DPY19L2: variants seen among roughly 807,000 people sequenced by gnomAD.
DPY19L2 encodes probable C-mannosyltransferase DPY19L2.
In DPY19L2, 34 loss-of-function variants were observed where a neutral mutation model predicts 97.9. The ratio of observed to expected loss-of-function variants is 0.35; its 90% CI spans 0.26 to 0.46. DPY19L2 has a LOEUF of 0.46. Among genes scored for constraint, DPY19L2 ranks in the 20% least tolerant of loss-of-function variants. The pLI, the probability that DPY19L2 is intolerant of heterozygous loss-of-function variation, is 1.00. For missense variants in DPY19L2, 623 were observed against 911.4 expected (o/e 0.68, Z 4.07); for synonymous variants, 230 against 307.9 (o/e 0.75, Z 2.65).
At chr12:63,612,221 T>C (rs1887125033) in intron 11 of DPY19L2, among the ~76,000 whole-genome samples, 2 of 152,154 alleles carry the variant, frequency 1.3e-5, no homozygotes, top group South Asian at 4.1e-4. Flanking sequence ...AAAGACTTCA[T>C]GACCAGGTGA....
At chr12:63,570,645 GTTT>G in intron 20 of DPY19L2, 110 bp downstream of exon 20, 1 of 942,018 alleles carries the variant, frequency 1.1e-6, no homozygotes, top group Non-Finnish European at 1.5e-6. Context: ...ATGAGGATGA[GTTT>G]GTGTGTGTGT....
intron 6 of DPY19L2, among the ~76,000 whole-genome samples, chr12:63,628,235 A>C (rs1246135161): frequency 2.6e-5 from 4 of 152,180 alleles, no homozygotes; most frequent in African/African-American, 9.6e-5. Context: ...CAGTGGGTGC[A>C]GCGCACCGAG....
intron 21 of DPY19L2, among the ~76,000 whole-genome samples, chr12:63,561,590 C>T (rs1446525428): frequency 6.6e-6 from 1 of 151,634 alleles, no homozygotes; most frequent in Admixed American, 6.6e-5. Context: ...GTTCCTACAA[C>T]TTCTGTTGTG....
intron 11 of DPY19L2, among the ~76,000 whole-genome samples, chr12:63,614,566 G>A (rs1019540598): frequency 1.3e-5 from 2 of 152,050 alleles, no homozygotes; most frequent in African/African-American, 4.8e-5. Flanking sequence ...TCATGTGCGT[G>A]GTGCAGTATA....
chr12:63,644,486 A>G lies in DPY19L2; in HGVS notation c.720T>C (p.Asp240=). 6.2e-7 allele frequency: 1 copy of G among 1,609,044 alleles called. No homozygotes were observed. The highest frequency in any genetic ancestry group is 8.5e-7 in the Non-Finnish European group (1 of 1,178,342). ...NEVQSCEGLG[D]PACFYVGVIF... ...TTACACCAACATAAAAGCAAGCAGG[A>G]TCTCCCAATCCTTTGAAAAGATACA... The change falls in exon 6 of 22, where the codon GAT becomes GAC. Residue 240 remains aspartate, a synonymous_variant. Transcript: ENST00000324472.
chr12:63,587,557 AATTATTATTATTATTATT>A (rs201195590), intron 16 of DPY19L2, among the ~76,000 whole-genome samples: 4 of 136,228 alleles, frequency 2.9e-5, no homozygotes, highest in Non-Finnish European at 4.7e-5. Flanking sequence ...CATTTTTAAA[AATTATTATTATTATTATT>A]ATTATTATTA....
chr12:63,622,586 A>T (rs1360049976), intron 8 of DPY19L2, among the ~76,000 whole-genome samples: 1 of 152,136 alleles, frequency 6.6e-6, no homozygotes, highest in African/African-American at 2.4e-5. Flanking sequence ...TTCTGTGGTT[A>T]AAGAGATAAA....
intron 6 of DPY19L2, among the ~76,000 whole-genome samples, chr12:63,637,219 G>A (rs1891877664): frequency 6.6e-6 from 1 of 152,082 alleles, no homozygotes; most frequent in African/African-American, 2.4e-5. Flanking sequence ...CAGAAATAAA[G>A]ATGTTCTTTG....
intron 6 of DPY19L2, among the ~76,000 whole-genome samples, chr12:63,632,023 G>A (rs1372939372): frequency 6.6e-6 from 1 of 152,028 alleles, no homozygotes; most frequent in Admixed American, 6.5e-5. Context: ...AACCCCTCAT[G>A]CTAAAAACTC....
At chr12:63,641,685 A>G (rs1892724129) in intron 6 of DPY19L2, among the ~76,000 whole-genome samples, 1 of 152,026 alleles carries the variant, frequency 6.6e-6, no homozygotes, top group Admixed American at 6.6e-5. Flanking sequence ...ATGTTAATAA[A>G]CCAAAATGTA....
At chr12:63,610,863 A>AAAAAAAAAAAAAC (rs1565762254) in intron 11 of DPY19L2, among the ~76,000 whole-genome samples, 28 of 100,560 alleles carry the variant, frequency 2.8e-4, no homozygotes, top group Non-Finnish European at 4.9e-4. Flanking sequence ...AAAAAAAAAA[A>AAAAAAAAAAAAAC]AAAAAAAAAA....
At chr12:63,610,765 C>T (rs1227985126) in intron 11 of DPY19L2, among the ~76,000 whole-genome samples, 2 of 142,454 alleles carry the variant, frequency 1.4e-5, no homozygotes, top group Non-Finnish European at 3.0e-5. Flanking sequence ...TTTTATGAGG[C>T]CAGCATTACT....
rs910980213 is a variant in DPY19L2 at position 63,654,766 on chromosome 12, A to T, written c.588+6578T>A. ...AAAAGTCATCGTTAAATTATTTTTT[A>T]AAAAATTCAACAAGAAGACCCTGCA... On this transcript the variant is annotated intron_variant, in intron 4 of 21. Coordinates refer to ENST00000324472, the MANE Select transcript of DPY19L2 (RefSeq NM_173812.5). Among the ~76,000 whole-genome samples, 27 of 152,256 alleles carry T rather than the reference A, an allele frequency of 1.8e-4. 1 individual carries two copies. The highest frequency in any genetic ancestry group is 4.1e-4 in the South Asian group (2 of 4,822).
chr12:63,569,474 A>C lies in DPY19L2; in HGVS notation c.2001-125T>G, dbSNP rs1878396484. Reference sequence around the variant, plus strand: ...ATGGAACACCGATATACATGACTCAAAACAGCATCAATTATTTTGGGGATG... The same window carrying C: ...ATGGAACACCGATATACATGACTCACAACAGCATCAATTATTTTGGGGATG... On this transcript the variant is annotated intron_variant, in intron 20 of 21. Transcript: ENST00000324472. 8.4e-6 allele frequency: 6 copies of C among 710,592 alleles called. No individual in the cohort carries two copies. The Admixed American group carries it at 1.8e-4, about 21-fold the overall frequency. The allele number at this position is 710,592 out of a possible 1,614,324, so 44.0% of individuals were successfully genotyped here. A position where few individuals can be genotyped will look rare whatever the true frequency, so the allele number is the denominator to read the frequency against.
Position 63,594,075 on chromosome 12 carries a change from T to G in DPY19L2, c.1580+12A>C, listed in dbSNP as rs1217833115. On this transcript the variant is annotated intron_variant, in intron 16 of 21. Coordinates refer to ENST00000324472, the MANE Select transcript of DPY19L2 (RefSeq NM_173812.5). ...ATACTGTATGTTTTAAAAACAATGA[T>G]GATATAATTACCTTAGATAAATGTT... is the stretch of plus-strand genomic sequence containing the variant. 2 of 1,483,396 alleles carry G rather than the reference T, an allele frequency of 1.3e-6. No homozygotes were observed. Among genetic ancestry groups the G allele is most frequent in the East Asian group, 4.6e-5 (2 of 43,092 alleles). The allele number at this position is 1,483,396 out of a possible 1,614,324, so 91.9% of individuals were successfully genotyped here. A position where few individuals can be genotyped will look rare whatever the true frequency, so the allele number is the denominator to read the frequency against.
chr12:63,594,463 TA>T (rs1370525007), intron 15 of DPY19L2, among the ~76,000 whole-genome samples: 6 of 71,160 alleles, frequency 8.4e-5, no homozygotes, highest in Admixed American at 2.5e-4. Flanking sequence ...GAGAGAGAGA[TA>T]GTGTGTGTGT....
chr12:63,638,865 T>C (rs568335464), intron 6 of DPY19L2, among the ~76,000 whole-genome samples: 78 of 152,224 alleles, frequency 5.1e-4, no homozygotes, highest in African/African-American at 1.8e-3. Flanking sequence ...TAAAAGTTCA[T>C]ATGGAACCAA....
chr12:63,627,038 A>C (rs1209882858), intron 6 of DPY19L2, among the ~76,000 whole-genome samples: 2 of 152,172 alleles, frequency 1.3e-5, no homozygotes, highest in Non-Finnish European at 2.9e-5. Context: ...TGGCCTCCCA[A>C]AGTGCTGAGA....
intron 19 of DPY19L2, among the ~76,000 whole-genome samples, chr12:63,579,236 A>G (rs1880442645): frequency 1.3e-5 from 2 of 152,176 alleles, no homozygotes; most frequent in Non-Finnish European, 2.9e-5. Context: ...ACAGAGCCCC[A>G]TTATACATGG....
Sources: allele counts gnomAD v4.1 joint callset (sites outside exome capture counted in the v4.1 genomes callset), GRCh38; gene constraint gnomAD v4.1.1; transcripts MANE v1.5; gene names NCBI Gene and HGNC (gene_info 2026-07-23, HGNC 2026-07-21).